Variants in ROBO2 observed in about 807,000 individuals in gnomAD.
The protein encoded by ROBO2 is roundabout homolog 2.
ROBO2 carries 53 observed loss-of-function variants against 160.8 expected under a neutral mutation model. That is an observed-to-expected ratio of 0.33 (90% confidence interval 0.26 to 0.41). ROBO2 has a LOEUF of 0.41. ROBO2 is among the 10% of genes least tolerant of loss of function. The pLI is 1.00. For synonymous variants in ROBO2, 664 were observed against 611.7 expected (o/e 1.09, Z -1.26); for missense variants, 1,577 against 1,722.4 (o/e 0.92, Z 1.49).
intron 5 of ROBO2, among the ~76,000 whole-genome samples, chr3:77,509,470 G>A (rs1367250460): frequency 6.6e-6 from 1 of 152,018 alleles, no homozygotes; most frequent in Non-Finnish European, 1.5e-5. Context: ...CTAGAGGTTA[G>A]GGGTGGCTCC....
At chr3:75,972,988 A>G (rs1041031233) in intron 2 of ROBO2, among the ~76,000 whole-genome samples, 1 of 151,680 alleles carries the variant, frequency 6.6e-6, no homozygotes, top group Non-Finnish European at 1.5e-5. Flanking sequence ...TAATCCGTGA[A>G]AAAATCTATT....
intron 2 of ROBO2, among the ~76,000 whole-genome samples, chr3:76,767,436 G>A (rs2061635244): frequency 6.6e-6 from 1 of 151,530 alleles, no homozygotes; most frequent in Admixed American, 6.6e-5. Flanking sequence ...ATTTAAAGTA[G>A]GCATCATGTA....
chr3:76,622,241 A>AGGAAAGAAAGAAAGAAAGAAAGAAAGAAG (rs2089200923), intron 2 of ROBO2, among the ~76,000 whole-genome samples: 1 of 37,460 alleles, frequency 2.7e-5, no homozygotes, highest in African/African-American at 1.2e-4. Flanking sequence ...GAAGGAAGAA[A>AGGAAAGAAAGAAAGAAAGAAAGAAAGAAG]GAAAGAAAGA....
At chr3:76,509,957 A>G (rs1339221370) in intron 2 of ROBO2, among the ~76,000 whole-genome samples, 3 of 151,964 alleles carry the variant, frequency 2.0e-5, no homozygotes, top group African/African-American at 7.2e-5. Flanking sequence ...AGTTTATTCA[A>G]TGTCCCCAAG....
chr3:77,551,046 C>T, intron 8 of ROBO2, 57 bp downstream of exon 9: 3 of 1,562,906 alleles, frequency 1.9e-6, no homozygotes, highest in South Asian at 1.1e-5. Flanking sequence ...TTTCTAGATA[C>T]ACGTTAACCA....
At chr3:77,224,801 T>C (rs1244779517) in intron 2 of ROBO2, among the ~76,000 whole-genome samples, 3 of 151,916 alleles carry the variant, frequency 2.0e-5, no homozygotes, top group Non-Finnish European at 4.4e-5. Flanking sequence ...ATTTCAAAGC[T>C]ACACAGATTA....
At chr3:77,149,717 T>G (rs1304509630) in intron 2 of ROBO2, among the ~76,000 whole-genome samples, 2 of 152,172 alleles carry the variant, frequency 1.3e-5, no homozygotes, top group Non-Finnish European at 2.9e-5. Context: ...GAATAGATGA[T>G]TGACTTGGTT....
intron 2 of ROBO2, among the ~76,000 whole-genome samples, chr3:76,673,728 C>G (rs2092330914): frequency 6.6e-6 from 1 of 151,490 alleles, no homozygotes; most frequent in African/African-American, 2.4e-5. Flanking sequence ...TTTTTTTTAG[C>G]AAGGTGAAAA....
At chr3:77,611,320 C>T (rs911558284) in intron 21 of ROBO2, among the ~76,000 whole-genome samples, 3 of 149,838 alleles carry the variant, frequency 2.0e-5, no homozygotes, top group African/African-American at 7.3e-5. Context: ...AAGAAAACTG[C>T]ATAGGGTAGG....
intron 2 of ROBO2, among the ~76,000 whole-genome samples, chr3:76,408,366 T>A (rs2075320619): frequency 6.6e-6 from 1 of 152,118 alleles, no homozygotes; most frequent in Non-Finnish European, 1.5e-5. Flanking sequence ...AATTGCCTGA[T>A]TTTGCTCCAA....
chr3:77,321,654 T>C (rs2064714288), intron 2 of ROBO2, among the ~76,000 whole-genome samples: 1 of 152,130 alleles, frequency 6.6e-6, no homozygotes, highest in African/African-American at 2.4e-5. Flanking sequence ...TGTTACAGTT[T>C]TAACTTGAAC....
At chr3:76,926,142 T>C (rs6796619) in intron 2 of ROBO2, among the ~76,000 whole-genome samples, 5,926 of 152,270 alleles carry the variant, frequency 0.039, 382 homozygotes, top group African/African-American at 0.14. Flanking sequence ...GTTGCTGACT[T>C]GCAGAAGCCT....
At chr3:77,524,654 T>C (rs1319939373) in intron 6 of ROBO2, among the ~76,000 whole-genome samples, 1 of 151,370 alleles carries the variant, frequency 6.6e-6, no homozygotes, top group African/African-American at 2.4e-5. Context: ...CTTTAAGACC[T>C]TTCCCAGCTA....
At chr3:76,976,356 A>G (rs1319311538) in intron 2 of ROBO2, among the ~76,000 whole-genome samples, 1 of 152,230 alleles carries the variant, frequency 6.6e-6, no homozygotes, top group Non-Finnish European at 1.5e-5. Context: ...ACATTTTCAC[A>G]TAAGCCCACA....
At chr3:77,043,020 T>C (rs1199544214) in intron 1 of ROBO2, among the ~76,000 whole-genome samples, 3 of 152,232 alleles carry the variant, frequency 2.0e-5, no homozygotes, top group Non-Finnish European at 2.9e-5. Flanking sequence ...AATTAATATG[T>C]AAATCATACG....
intron 2 of ROBO2, among the ~76,000 whole-genome samples, chr3:77,468,108 G>A (rs1006451075): frequency 2.6e-5 from 4 of 152,120 alleles, no homozygotes; most frequent in African/African-American, 9.7e-5. Flanking sequence ...ACAATTCTGT[G>A]GGCGATAGCT....
intron 2 of ROBO2, among the ~76,000 whole-genome samples, chr3:77,134,418 C>T (rs116498377): frequency 0.017 from 2,570 of 152,300 alleles, 31 homozygotes; most frequent in African/African-American, 0.029. Context: ...GTAATCTATT[C>T]TTCTCAGAGA....
chr3:76,552,800 T>G (rs760871111), intron 2 of ROBO2, among the ~76,000 whole-genome samples: 7 of 152,212 alleles, frequency 4.6e-5, no homozygotes, highest in Non-Finnish European at 1.0e-4. Context: ...AGTAGTTCCA[T>G]TGGGTTCCAT....
At chr3:77,098,714 G>A (rs958475105) in intron 2 of ROBO2, among the ~76,000 whole-genome samples, 3 of 152,072 alleles carry the variant, frequency 2.0e-5, no homozygotes, top group Admixed American at 6.5e-5. Flanking sequence ...AAAATTATCC[G>A]GGCATGGTGG....
Sources: allele counts gnomAD v4.1 joint callset (sites outside exome capture counted in the v4.1 genomes callset), GRCh38; gene constraint gnomAD v4.1.1; transcripts MANE v1.5; gene names NCBI Gene and HGNC (gene_info 2026-07-23, HGNC 2026-07-21).